MTUS2: variants seen among roughly 807,000 people sequenced by gnomAD.
MTUS2 encodes the protein microtubule associated scaffold protein 2.
In MTUS2, 40 loss-of-function variants were observed where a neutral mutation model predicts 114.1. The ratio of observed to expected loss-of-function variants is 0.35; its 90% CI spans 0.27 to 0.46. MTUS2 has a LOEUF of 0.46. Among genes scored for constraint, MTUS2 ranks in the 20% least tolerant of loss-of-function variants. The pLI is 1.00. For missense variants in MTUS2, 1,679 were observed against 1,705.4 expected, an observed-to-expected ratio of 0.98 and a Z score of 0.27; for synonymous variants, 688 against 672.0, an observed-to-expected ratio of 1.02 and a Z score of -0.37.
intron 2 of MTUS2, among the ~76,000 whole-genome samples, chr13:28,891,858 C>CAAAAAAAAAAAAA (rs1169875500): frequency 4.8e-4 from 25 of 52,058 alleles, no homozygotes; most frequent in East Asian, 6.7e-4. Context: ...GACTCTGTCT[C>CAAAAAAAAAAAAA]AAAAAAAAAA....
intron 2 of MTUS2, among the ~76,000 whole-genome samples, chr13:28,856,920 T>C (rs1179840239): frequency 2.0e-5 from 3 of 149,076 alleles, no homozygotes; most frequent in Non-Finnish European, 3.0e-5. Flanking sequence ...AGCAAGACAC[T>C]TGTGCAGAGA....
At chr13:28,925,086 C>G (rs528571439) in intron 2 of MTUS2, among the ~76,000 whole-genome samples, 1 of 152,110 alleles carries the variant, frequency 6.6e-6, no homozygotes, top group Admixed American at 6.5e-5. Flanking sequence ...AGTGAGATGC[C>G]CTGTTTGCCT....
chr13:28,839,059 G>A (rs1188889361), intron 1 of MTUS2, among the ~76,000 whole-genome samples: 1 of 151,966 alleles, frequency 6.6e-6, no homozygotes, highest in African/African-American at 2.4e-5. Context: ...TAAAAAAATG[G>A]TTGAGTATCA....
intron 2 of MTUS2, among the ~76,000 whole-genome samples, chr13:28,920,694 A>G (rs1880993675): frequency 1.3e-5 from 2 of 152,190 alleles, no homozygotes; most frequent in South Asian, 4.1e-4. Flanking sequence ...CCTGGGAGCT[A>G]GGGATTAGAG....
chr13:29,138,173 C>T (rs1892063362), intron 5 of MTUS2, among the ~76,000 whole-genome samples: 1 of 152,076 alleles, frequency 6.6e-6, no homozygotes, highest in Admixed American at 6.6e-5. Context: ...TGCTGTGGGA[C>T]TGGGGACTGG....
chr13:29,276,698 G>T (rs971851789), intron 5 of MTUS2, among the ~76,000 whole-genome samples: 1 of 152,152 alleles, frequency 6.6e-6, no homozygotes. Context: ...AGGAGTTCAA[G>T]ACCAGCCTGG....
intron 5 of MTUS2, among the ~76,000 whole-genome samples, chr13:29,187,938 A>G (rs926152702): frequency 6.6e-6 from 1 of 152,200 alleles, no homozygotes; most frequent in African/African-American, 2.4e-5. Flanking sequence ...TCAACAATGA[A>G]ACAACCTGGG....
At chr13:29,282,723 C>T (rs900955828) in intron 6 of MTUS2, among the ~76,000 whole-genome samples, 1 of 152,096 alleles carries the variant, frequency 6.6e-6, no homozygotes, top group Non-Finnish European at 1.5e-5. Context: ...TTTTTCTATG[C>T]TTGTATCAAT....
At chr13:28,923,968 T>C (rs1187412866) in intron 2 of MTUS2, among the ~76,000 whole-genome samples, 2 of 152,144 alleles carry the variant, frequency 1.3e-5, no homozygotes, top group Non-Finnish European at 2.9e-5. Context: ...TGGAGGTTAA[T>C]ACTTTTTCCC....
intron 8 of MTUS2, among the ~76,000 whole-genome samples, chr13:29,415,523 C>G (rs1875602550): frequency 6.6e-6 from 1 of 152,196 alleles, no homozygotes; most frequent in Non-Finnish European, 1.5e-5. Flanking sequence ...ATTGCTACCT[C>G]TGCTTTCTTG....
At chr13:29,264,779 C>G (rs1418987175) in intron 5 of MTUS2, among the ~76,000 whole-genome samples, 1 of 152,250 alleles carries the variant, frequency 6.6e-6, no homozygotes, top group African/African-American at 2.4e-5. Flanking sequence ...CAAGGCTGCA[C>G]AGGGCAGCAG....
intron 2 of MTUS2, among the ~76,000 whole-genome samples, chr13:28,930,344 C>T (rs1010694559): frequency 6.6e-6 from 1 of 152,192 alleles, no homozygotes; most frequent in African/African-American, 2.4e-5. Context: ...GCACCTTCCC[C>T]AGAAGCTGCA....
At chr13:29,136,151 C>T (rs1007955381) in intron 5 of MTUS2, among the ~76,000 whole-genome samples, 1 of 152,140 alleles carries the variant, frequency 6.6e-6, no homozygotes, top group Admixed American at 6.5e-5. Flanking sequence ...AATGTCCTTT[C>T]GTTTCAACCT....
At chr13:28,964,354 C>T (rs976890296) in intron 2 of MTUS2, among the ~76,000 whole-genome samples, 1 of 152,174 alleles carries the variant, frequency 6.6e-6, no homozygotes, top group Non-Finnish European at 1.5e-5. Context: ...TCTACCTGTT[C>T]CTCTCATCTG....
chr13:29,378,260 G>A (rs763403963), intron 8 of MTUS2, among the ~76,000 whole-genome samples: 1 of 151,462 alleles, frequency 6.6e-6, no homozygotes, highest in Admixed American at 6.6e-5. Context: ...CACAAAGTCA[G>A]TGTTACTGTA....
At chr13:29,307,530 A>T (rs1206473540) in intron 6 of MTUS2, 2 of 1,263,856 alleles carry the variant, frequency 1.6e-6, no homozygotes, top group Non-Finnish European at 2.3e-6. Flanking sequence ...GTCTTGAAAA[A>T]CCTGCCAAAT....
Position 29,025,979 on chromosome 13 carries a change from C to A in MTUS2, c.1281C>A (p.Ser427=), listed in dbSNP as rs1886520374. The A allele has an allele frequency of 1.2e-6, 2 of 1,614,000 alleles. No individual in the cohort carries two copies. Among genetic ancestry groups the A allele is most frequent in the Non-Finnish European group, 1.7e-6 (2 of 1,179,878 alleles). The change falls in exon 3 of 16, where the codon TCC becomes TCA. Residue 427 remains serine (S), a synonymous_variant. Transcript: ENST00000612955. The stretch of plus-strand genomic sequence containing the variant: ...GTGAGAAGTTGGGTGAAAGGACATC[C>A]AGCAGCTTTTCACCAGGTGACAGTC... The part of the protein sequence containing the change: ...CAGEKLGERT[S]SSFSPGDSHV...
At chr13:29,202,152 T>C (rs1022284604) in intron 5 of MTUS2, among the ~76,000 whole-genome samples, 5 of 152,050 alleles carry the variant, frequency 3.3e-5, no homozygotes, top group Admixed American at 1.3e-4. Flanking sequence ...AATCAAACAT[T>C]GGTTTGGTCT....
chr13:29,168,353 C>G (rs1893405678), intron 5 of MTUS2, among the ~76,000 whole-genome samples: 1 of 152,136 alleles, frequency 6.6e-6, no homozygotes, highest in Admixed American at 6.5e-5. Flanking sequence ...AATGTTCCAT[C>G]TAACATTAAT....
Sources: gnomAD v4.1 joint callset for allele counts (sites outside exome capture counted in the v4.1 genomes callset) on GRCh38, gnomAD v4.1.1 for gene constraint, MANE v1.5 for transcripts, NCBI Gene and HGNC (gene_info 2026-07-23, HGNC 2026-07-21) for gene names.